Variants in CNTN4 observed in about 807,000 individuals in gnomAD.
CNTN4 encodes the protein contactin 4.
CNTN4 carries 77 observed loss-of-function variants against 122.5 expected under a neutral mutation model. That is an observed-to-expected ratio of 0.63 (90% CI 0.52 to 0.76). The LOEUF (loss-of-function observed/expected upper bound fraction) is 0.76, where lower values mean the gene tolerates loss of function less well. Among genes scored for constraint, CNTN4 ranks in the 30% least tolerant of loss-of-function variants. CNTN4 has a pLI of 0.00. For synonymous variants in CNTN4, 512 were observed against 447.0 expected, an observed-to-expected ratio of 1.15 and a Z score of -1.83; for missense variants, 1,256 against 1,259.1, an observed-to-expected ratio of 1.00 and a Z score of 0.04.
chr3:2,487,570 C>A (rs987932365), intron 3 of CNTN4, among the ~76,000 whole-genome samples: 2 of 152,186 alleles, frequency 1.3e-5, no homozygotes, highest in African/African-American at 2.4e-5. Flanking sequence ...TTTCCAAATA[C>A]TCTTTAGCAC....
chr3:2,658,115 G>C (rs1576364600), intron 4 of CNTN4, among the ~76,000 whole-genome samples: 1 of 150,576 alleles, frequency 6.6e-6, no homozygotes, highest in Admixed American at 6.7e-5. Flanking sequence ...CAGGTCGGAG[G>C]GGGTACCTGG....
chr3:2,557,990 A>G (rs1262489945), intron 3 of CNTN4, among the ~76,000 whole-genome samples: 1 of 152,206 alleles, frequency 6.6e-6, no homozygotes, highest in Non-Finnish European at 1.5e-5. Flanking sequence ...CTATAAATAT[A>G]AAATCTGCAA....
At position 2,145,014 on chromosome 3, in the gene CNTN4, TGGAGGGA is replaced by T. The variant is rs141745077; in HGVS notation, c.-145+44378_-145+44384del. Reference sequence around the variant, plus strand: ...AAAGCACTGCTGATGAAAACAATTTTGGAGGGAGGTGGTCTCAACAGAGTAGATGTTC... The same window carrying T: ...AAAGCACTGCTGATGAAAACAATTTTGGTGGTCTCAACAGAGTAGATGTTC... On this transcript the variant is annotated intron_variant, in intron 2 of 24. Transcript: ENST00000418658. 2.4e-3 allele frequency among the ~76,000 whole-genome samples: 363 copies of T among 152,316 alleles called. 3 individuals carry two copies. The highest frequency in any genetic ancestry group is 8.3e-3 in the African/African-American group (344 of 41,572).
chr3:2,676,277 A>G (rs1467054302), intron 4 of CNTN4, among the ~76,000 whole-genome samples: 1 of 151,732 alleles, frequency 6.6e-6, no homozygotes, highest in Non-Finnish European at 1.5e-5. Flanking sequence ...GTTAGAGTGC[A>G]GTGGCATGCC....
chr3:2,533,085 G>A (rs2077659726), intron 3 of CNTN4, among the ~76,000 whole-genome samples: 3 of 149,872 alleles, frequency 2.0e-5, no homozygotes, highest in African/African-American at 7.3e-5. Flanking sequence ...AACCTCTCTG[G>A]ACTTTGGCTA....
At chr3:2,228,672 A>C (rs1013728952) in intron 2 of CNTN4, among the ~76,000 whole-genome samples, 3 of 152,194 alleles carry the variant, frequency 2.0e-5, no homozygotes, top group African/African-American at 7.2e-5. Flanking sequence ...TCTAATGATT[A>C]ACTAATTTCC....
intron 3 of CNTN4, among the ~76,000 whole-genome samples, chr3:2,533,457 A>T (rs1480524345): frequency 6.6e-6 from 1 of 151,522 alleles, no homozygotes; most frequent in Non-Finnish European, 1.5e-5. Context: ...TACAAAGGAC[A>T]TGAACTCATC....
At chr3:2,445,440 G>A (rs929012801) in intron 3 of CNTN4, among the ~76,000 whole-genome samples, 1 of 152,252 alleles carries the variant, frequency 6.6e-6, no homozygotes. Context: ...AGGATGTCAT[G>A]GAACATCATG....
intron 13 of CNTN4, among the ~76,000 whole-genome samples, chr3:2,959,351 G>A (rs1164202861): frequency 5.3e-5 from 8 of 152,108 alleles, no homozygotes; most frequent in Non-Finnish European, 8.8e-5. Context: ...TCTATAGAGC[G>A]TCTGTGTAAA....
intron 4 of CNTN4, among the ~76,000 whole-genome samples, chr3:2,577,930 A>G (rs2079767175): frequency 6.6e-6 from 1 of 152,184 alleles, no homozygotes; most frequent in African/African-American, 2.4e-5. Context: ...CTTTCTGAGA[A>G]AGTGCATCCT....
intron 2 of CNTN4, among the ~76,000 whole-genome samples, chr3:2,289,745 G>A (rs2042066041): frequency 6.6e-6 from 1 of 152,042 alleles, no homozygotes. Flanking sequence ...ACAATTTAGA[G>A]GCTTCTTGCA....
intron 6 of CNTN4, among the ~76,000 whole-genome samples, chr3:2,798,671 G>GGCTGTTT (rs1243711835): frequency 1.3e-5 from 2 of 151,922 alleles, no homozygotes; most frequent in Non-Finnish European, 2.9e-5. Context: ...CAAAACACTT[G>GGCTGTTT]GCTGTTTTTT....
chr3:2,394,723 T>A (rs2046573737), intron 3 of CNTN4, among the ~76,000 whole-genome samples: 1 of 152,124 alleles, frequency 6.6e-6, no homozygotes, highest in South Asian at 2.1e-4. Flanking sequence ...TTTATTATGT[T>A]TGTACACAAA....
chr3:3,051,789 T>G (rs532614604), intron 23 of CNTN4, among the ~76,000 whole-genome samples: 1 of 152,330 alleles, frequency 6.6e-6, no homozygotes, highest in East Asian at 1.9e-4. Flanking sequence ...TAAACCATTC[T>G]AAAGGAATTT....
At chr3:2,525,156 T>C (rs2077357168) in intron 3 of CNTN4, among the ~76,000 whole-genome samples, 2 of 152,128 alleles carry the variant, frequency 1.3e-5, no homozygotes, top group South Asian at 4.1e-4. Context: ...ATAGCTATGG[T>C]GTTCATGCAG....
At chr3:2,833,231 A>G (rs550645785) in intron 7 of CNTN4, among the ~76,000 whole-genome samples, 1 of 152,224 alleles carries the variant, frequency 6.6e-6, no homozygotes. Context: ...GTTGCCGCCA[A>G]TGCAGATTGA....
chr3:2,777,862 A>G (rs2091390972), intron 6 of CNTN4, among the ~76,000 whole-genome samples: 1 of 152,098 alleles, frequency 6.6e-6, no homozygotes, highest in Non-Finnish European at 1.5e-5. Flanking sequence ...ACCTATTACT[A>G]TGTCTTTGTA....
At chr3:2,137,891 G>C (rs914792441) in intron 2 of CNTN4, among the ~76,000 whole-genome samples, 1 of 152,082 alleles carries the variant, frequency 6.6e-6, no homozygotes, top group Non-Finnish European at 1.5e-5. Context: ...TGTAAACACT[G>C]CTCCTTAATA....
intron 2 of CNTN4, among the ~76,000 whole-genome samples, chr3:2,134,807 TTTCTC>T (rs1266584251): frequency 6.6e-6 from 1 of 152,146 alleles, no homozygotes; most frequent in African/African-American, 2.4e-5. Flanking sequence ...ATGTGGGAGT[TTTCTC>T]TTACTCAGCT....
Sources: allele counts gnomAD v4.1 joint callset (sites outside exome capture counted in the v4.1 genomes callset), GRCh38; gene constraint gnomAD v4.1.1; transcripts MANE v1.5; gene names NCBI Gene and HGNC (gene_info 2026-07-23, HGNC 2026-07-21).